BIN2: variants seen among roughly 807,000 people sequenced by gnomAD.
BIN2 encodes breast cancer associated protein BRAP1.
In BIN2, 43 loss-of-function variants were observed where a neutral mutation model predicts 67.9. The ratio of observed to expected loss-of-function variants is 0.63; its 90% CI spans 0.50 to 0.82. BIN2 has a LOEUF of 0.82. Ranked by LOEUF, BIN2 falls within the 40% of genes least tolerant of loss-of-function variation. The probability of loss-of-function intolerance (pLI) is 0.00; values close to 1 mark genes in which losing one functional copy is unlikely to be tolerated. For synonymous variants in BIN2, 244 were observed against 246.8 expected (o/e 0.99, Z 0.11); for missense variants, 581 against 671.6 (o/e 0.87, Z 1.49).
At chr12:51,282,929 T>C (rs1419901095) in intron 12 of BIN2, among the ~76,000 whole-genome samples, 1 of 151,728 alleles carries the variant, frequency 6.6e-6, no homozygotes, top group Non-Finnish European at 1.5e-5. Context: ...ATTATTTTAG[T>C]GTGTTTCCTA....
chr12:51,314,615 C>A (rs1946076482), intron 1 of BIN2, among the ~76,000 whole-genome samples: 1 of 151,874 alleles, frequency 6.6e-6, no homozygotes, highest in Admixed American at 6.6e-5. Context: ...GGCTGACCAG[C>A]ATGGATAAAC....
chr12:51,295,118 C>T (rs1945501281), intron 9 of BIN2, among the ~76,000 whole-genome samples: 1 of 151,458 alleles, frequency 6.6e-6, no homozygotes, highest in Non-Finnish European at 1.5e-5. Context: ...TTCTTTTAAT[C>T]TTTTTTTGTA....
At chr12:51,299,123 C>A in intron 7 of BIN2, 80 bp downstream of exon 7, 40 of 924,006 alleles carry the variant, frequency 4.3e-5, no homozygotes, top group Admixed American at 6.7e-5. Flanking sequence ...AAATCTAAAA[C>A]ACTTTTATCT....
At chr12:51,291,185 A>G (rs1043856366) in intron 10 of BIN2, among the ~76,000 whole-genome samples, 1 of 152,174 alleles carries the variant, frequency 6.6e-6, no homozygotes, top group African/African-American at 2.4e-5. Flanking sequence ...AAAAAAGTCA[A>G]TTACCCTAAA....
rs773753332 is a variant in BIN2 at position 51,302,083 on chromosome 12, C to T, written c.345G>A (p.Glu115=). 1.9e-6 allele frequency: 3 copies of T among 1,613,598 alleles called. No individual in the cohort carries two copies. In the South Asian group the frequency reaches 3.3e-5, roughly 18 times the overall value. ...TCCTTACAGCCTGGTCAGCCAGTTTCTCCTCGTAGTCTTCCCAAAGGAGAT... is the reference window on the plus strand; with the variant it reads ...TCCTTACAGCCTGGTCAGCCAGTTTTTCCTCGTAGTCTTCCCAAAGGAGAT... The part of the protein sequence containing the change: ...NNDLLWEDYE[E]KLADQAVRTM... The change falls in exon 5 of 13, where the codon GAG becomes GAA. Residue 115 remains glutamate, a synonymous_variant. Transcript: ENST00000615107.
At chr12:51,290,960 TA>T (rs1592253381) in intron 10 of BIN2, among the ~76,000 whole-genome samples, 1 of 84,036 alleles carries the variant, frequency 1.2e-5, no homozygotes. Context: ...AAACAAAAAA[TA>T]AACATGGAGA....
In BIN2 at chr12:51,281,400, G is replaced by C; in HGVS notation, c.*99C>G. 1 of 1,322,618 alleles carries C rather than the reference G, an allele frequency of 7.6e-7. No homozygotes were observed. Among genetic ancestry groups the C allele is most frequent in the Non-Finnish European group, 1.1e-6 (1 of 917,138 alleles). 81.9% of individuals were successfully genotyped at this position (1,322,618 alleles called of 1,614,324 possible). A position where few individuals can be genotyped will look rare whatever the true frequency, so the allele number is the denominator to read the frequency against. ...CACCAGCATTCCTACTGAGAACCCA[G>C]GGATGGATGCTGGCTCTTATATCCC... On this transcript the variant is annotated 3_prime_UTR_variant, in exon 13 of 13. Coordinates refer to ENST00000615107, the MANE Select transcript of BIN2 (RefSeq NM_016293.4).
chr12:51,287,310 C>T (rs1236453978), intron 11 of BIN2, among the ~76,000 whole-genome samples: 1 of 151,642 alleles, frequency 6.6e-6, no homozygotes, highest in Non-Finnish European at 1.5e-5. Flanking sequence ...ATCAGTGAGC[C>T]TGACTTAAGG....
In BIN2 at chr12:51,292,320, A is replaced by G. The variant is rs1481618781; in HGVS notation, c.786T>C (p.Ile262=). The G allele has an allele frequency of 6.3e-7, 1 of 1,590,134 alleles. No homozygotes were observed. The highest frequency in any genetic ancestry group is 1.7e-5 in the Admixed American group (1 of 59,050). The part of the protein sequence containing the change: ...LSSSSRRSLV[I]SPPVRTATVS... Reference sequence around the variant, plus strand: ...CTGTAGCTGTTCGAACTGGGGGAGAAATGACTAAAGAGCGCCTGCTGCTGC... The same window carrying G: ...CTGTAGCTGTTCGAACTGGGGGAGAGATGACTAAAGAGCGCCTGCTGCTGC... The change falls in exon 10 of 13, where the codon ATT becomes ATC. Residue 262 remains isoleucine (I), a synonymous_variant. Transcript: ENST00000615107.
chr12:51,324,324 C>T (rs1210092441), upstream of BIN2: 5 of 1,342,194 alleles, frequency 3.7e-6, no homozygotes, highest in African/African-American at 7.6e-5. Context: ...CCTCAGGCAG[C>T]GCTCGCTCGA....
At chr12:51,304,512 G>A (rs891036737) in intron 2 of BIN2, among the ~76,000 whole-genome samples, 1 of 152,174 alleles carries the variant, frequency 6.6e-6, no homozygotes, top group Non-Finnish European at 1.5e-5. Flanking sequence ...CTGACTTCAG[G>A]ACTGTGGACT....
intron 2 of BIN2, among the ~76,000 whole-genome samples, chr12:51,303,731 G>C (rs529436648): frequency 6.6e-6 from 1 of 151,894 alleles, no homozygotes; most frequent in South Asian, 2.1e-4. Context: ...ATTTTTTTAG[G>C]CTAGGAACCC....
At chr12:51,313,244 C>CAGGCAGGCAGGG in intron 2 of BIN2, among the ~76,000 whole-genome samples, 1 of 146,910 alleles carries the variant, frequency 6.8e-6, no homozygotes, top group African/African-American at 2.5e-5. Flanking sequence ...GGCAGGCAGG[C>CAGGCAGGCAGGG]AGGCAGGGAG....
chr12:51,318,265 T>TC (rs1336822456), intron 1 of BIN2, among the ~76,000 whole-genome samples: 2 of 149,350 alleles, frequency 1.3e-5, no homozygotes, highest in African/African-American at 2.4e-5. Context: ...CTCCATTCTT[T>TC]TTTTTTTTTT....
intron 1 of BIN2, among the ~76,000 whole-genome samples, chr12:51,318,516 C>G (rs770704978): frequency 4.6e-5 from 7 of 152,214 alleles, no homozygotes; most frequent in Non-Finnish European, 7.3e-5. Flanking sequence ...CCCACCTCAG[C>G]CTCCCAGTGT....
upstream of BIN2, chr12:51,324,187 C>T: frequency 6.4e-7 from 1 of 1,552,340 alleles, no homozygotes. Flanking sequence ...GGGCTCCCGG[C>T]ATGCCTCGCA....
At chr12:51,312,683 A>G (rs1000737610) in intron 2 of BIN2, among the ~76,000 whole-genome samples, 61 of 152,262 alleles carry the variant, frequency 4.0e-4, no homozygotes, top group African/African-American at 1.4e-3. Context: ...TCATTTTACA[A>G]GTTTATCTGC....
At chr12:51,313,957 T>C (rs983042530) in intron 1 of BIN2, 54 bp from the exon 2 acceptor site, 1 of 1,463,680 alleles carries the variant, frequency 6.8e-7, no homozygotes, top group Non-Finnish European at 9.6e-7. Flanking sequence ...CTCTCTTACA[T>C]GTTGGCCTCA....
chr12:51,303,244 G>T, intron 2 of BIN2, 103 bp from the exon 3 acceptor site: 4 of 1,139,270 alleles, frequency 3.5e-6, no homozygotes, highest in Non-Finnish European at 3.9e-6. Flanking sequence ...ATCACACCTG[G>T]AATTTCTCTA....
Sources: allele counts gnomAD v4.1 joint callset (sites outside exome capture counted in the v4.1 genomes callset), GRCh38; gene constraint gnomAD v4.1.1; transcripts MANE v1.5; gene names NCBI Gene and HGNC (gene_info 2026-07-23, HGNC 2026-07-21).